SHC3: variants seen among roughly 807,000 people sequenced by gnomAD.
SHC3 encodes the protein SHC adaptor protein 3.
SHC3 carries 15 observed loss-of-function variants against 60.4 expected under a neutral mutation model. That is an observed-to-expected ratio of 0.25 (90% CI 0.17 to 0.38). The LOEUF (loss-of-function observed/expected upper bound fraction) is 0.38, where lower values mean the gene tolerates loss of function less well. Among genes scored for constraint, SHC3 ranks in the 10% least tolerant of loss-of-function variants. The pLI is 1.00. For missense variants in SHC3, 677 were observed against 786.1 expected, an observed-to-expected ratio of 0.86 and a Z score of 1.66; for synonymous variants, 294 against 325.9, an observed-to-expected ratio of 0.90 and a Z score of 1.05.
chr9:89,102,376 G>A lies in SHC3; in HGVS notation c.545+10180C>T, dbSNP rs559685722. On this transcript the variant is annotated intron_variant, in intron 2 of 11. Transcript: ENST00000375835. ...AATAAAACTTATGAAAAAAACAGAT[G>A]GTAATGACTCTGGATCAAGGAATGA... Among the ~76,000 whole-genome samples the A allele has an allele frequency of 1.3e-3, 203 of 152,162 alleles. 1 individual carries two copies. The highest frequency in any genetic ancestry group is 4.5e-3 in the African/African-American group (186 of 41,532).
intron 1 of SHC3, among the ~76,000 whole-genome samples, chr9:89,118,645 G>C (rs1356488869): frequency 6.6e-6 from 1 of 150,496 alleles, no homozygotes; most frequent in Non-Finnish European, 1.5e-5. Flanking sequence ...AAAAAAGACA[G>C]GTTACTTAAA....
intron 11 of SHC3, among the ~76,000 whole-genome samples, chr9:89,028,882 G>T (rs1164688069): frequency 6.8e-6 from 1 of 146,194 alleles, no homozygotes; most frequent in African/African-American, 2.5e-5. Flanking sequence ...TATATATCTA[G>T]ATATAATCTA....
At chr9:89,110,028 G>A in intron 2 of SHC3, 1 of 985,378 alleles carries the variant, frequency 1.0e-6, no homozygotes, top group Non-Finnish European at 1.2e-6. Flanking sequence ...ACACTGACAT[G>A]AGTGATAAAT....
intron 1 of SHC3, among the ~76,000 whole-genome samples, chr9:89,135,688 T>C (rs1826308658): frequency 1.3e-5 from 2 of 152,132 alleles, no homozygotes; most frequent in Admixed American, 6.6e-5. Flanking sequence ...GGGTTTTTTT[T>C]CTGCGATTTA....
chr9:89,049,012 A>G (rs1824819227), intron 7 of SHC3, among the ~76,000 whole-genome samples: 1 of 152,204 alleles, frequency 6.6e-6, no homozygotes, highest in Non-Finnish European at 1.5e-5. Flanking sequence ...CTGTAATCCC[A>G]GCACTTTGGG....
chr9:89,144,120 G>C (rs1826434177), intron 1 of SHC3, among the ~76,000 whole-genome samples: 1 of 152,196 alleles, frequency 6.6e-6, no homozygotes, highest in Admixed American at 6.5e-5. Context: ...GGTAGGGTAA[G>C]TCATAATAAA....
chr9:89,083,598 G>A lies in SHC3; in HGVS notation c.546-5695C>T, dbSNP rs1825480626. 4.6e-5 allele frequency among the ~76,000 whole-genome samples: 7 copies of A among 152,348 alleles called. No homozygotes were observed. In the South Asian group the frequency reaches 1.5e-3, roughly 32 times the overall value. On this transcript the variant is annotated intron_variant, in intron 2 of 11. Transcript: ENST00000375835. ...GCTGAGAAGCTGCAGGCAGGGAGATGAGCTGGGAAGTTACTGATGTTGTGA... is the reference window on the plus strand; with the variant it reads ...GCTGAGAAGCTGCAGGCAGGGAGATAAGCTGGGAAGTTACTGATGTTGTGA...
rs1825985585 is a variant in SHC3 at position 89,009,381 on chromosome 9, A to G, written c.*4066T>C. 1 of 152,204 alleles carries G rather than the reference A, an allele frequency of 6.6e-6. No individual in the cohort carries two copies. Among genetic ancestry groups the G allele is most frequent in the African/African-American group, 2.4e-5 (1 of 41,434 alleles). The allele number at this position is 152,204 out of a possible 1,614,324, so 9.4% of individuals were successfully genotyped here. A position where few individuals can be genotyped will look rare whatever the true frequency, so the allele number is the denominator to read the frequency against. ...TGAGTCCTGCAATGACCTCTTTGCA[A>G]TCTTTCCACAATCTTCCCACTCACT... On this transcript the variant is annotated 3_prime_UTR_variant, in exon 12 of 12. Transcript: ENST00000375835.
intron 6 of SHC3, among the ~76,000 whole-genome samples, chr9:89,065,283 T>C (rs1825159829): frequency 6.6e-6 from 1 of 152,140 alleles, no homozygotes; most frequent in South Asian, 2.1e-4. Flanking sequence ...GGGCTGTTTG[T>C]GTGTAAATCA....
rs1825337297 is a variant in SHC3 at position 89,075,176 on chromosome 9, G to T, written c.662C>A (p.Ala221Glu). The T allele has an allele frequency of 1.2e-6, 2 of 1,613,720 alleles. No individual in the cohort carries two copies. Among genetic ancestry groups the T allele is most frequent in the Middle Eastern group, 1.6e-4 (1 of 6,084 alleles). The change falls in exon 4 of 12, where the codon GCG becomes GAG. Residue 221 changes from alanine (A) to glutamate (E), a missense_variant. Ala to Glu is a moderately radical substitution (Grantham distance 107). Transcript: ENST00000375835. The stretch of plus-strand genomic sequence containing the variant: ...GATGGTCAGAGAGATGCTCATTCCC[G>T]CAAACTGGAGGTTGCTCTTTCCCAA... ...SILGKSNLQF[A>E]GMSISLTIST...
chr9:89,104,213 A>C (rs892934338), intron 2 of SHC3, among the ~76,000 whole-genome samples: 3 of 152,162 alleles, frequency 2.0e-5, no homozygotes, highest in Non-Finnish European at 2.9e-5. Context: ...CTGTGGTTTC[A>C]TAGATGGTAG....
At chr9:89,085,680 A>G (rs1160737730) in intron 2 of SHC3, among the ~76,000 whole-genome samples, 1 of 152,182 alleles carries the variant, frequency 6.6e-6, no homozygotes, top group African/African-American at 2.4e-5. Context: ...TTTCTGTTTA[A>G]TTCAGCTTCA....
At chr9:89,088,980 T>C (rs982584265) in intron 2 of SHC3, 4 of 152,244 alleles carry the variant, frequency 2.6e-5, no homozygotes, top group Non-Finnish European at 4.4e-5. Flanking sequence ...TCACAAACTG[T>C]GAACGGTGTT....
chr9:89,049,261 AAAAACAAAAC>A (rs147607442), intron 7 of SHC3, among the ~76,000 whole-genome samples: 5,252 of 149,738 alleles, frequency 0.035, 114 homozygotes, highest in Non-Finnish European at 0.047. Flanking sequence ...ACTCCCTCTT[AAAAACAAAAC>A]AAAACAAAAC....
At position 89,006,581 on chromosome 9, in the gene SHC3, CATTT is replaced by C. The variant is rs1825944082; in HGVS notation, c.*6862_*6865del. On this transcript the variant is annotated 3_prime_UTR_variant, in exon 12 of 12. Coordinates refer to ENST00000375835, the MANE Select transcript of SHC3 (RefSeq NM_016848.6). The stretch of plus-strand genomic sequence containing the variant: ...AACAAAACAACTTTCAGATAATATT[CATTT>C]GTCAGTATGTATAATTTGCCATCCA... 1 of 152,228 alleles carries C rather than the reference CATTT, an allele frequency of 6.6e-6. No homozygotes were observed. Among genetic ancestry groups the C allele is most frequent in the Admixed American group, 6.5e-5 (1 of 15,284 alleles). The allele number at this position is 152,228 out of a possible 1,614,324, so 9.4% of individuals were successfully genotyped here. A position where few individuals can be genotyped will look rare whatever the true frequency, so the allele number is the denominator to read the frequency against.
At chr9:89,061,152 A>G (rs1028984541) in intron 6 of SHC3, among the ~76,000 whole-genome samples, 1 of 152,158 alleles carries the variant, frequency 6.6e-6, no homozygotes, top group Non-Finnish European at 1.5e-5. Flanking sequence ...GAAACATCCA[A>G]CCATCAGAAA....
chr9:89,063,175 G>T (rs1825120081), intron 6 of SHC3, among the ~76,000 whole-genome samples: 1 of 152,214 alleles, frequency 6.6e-6, no homozygotes. Context: ...CTGTCGCCAG[G>T]CTGGAGTGCA....
chr9:89,042,970 T>C (rs1824711885), intron 9 of SHC3, among the ~76,000 whole-genome samples: 1 of 152,122 alleles, frequency 6.6e-6, no homozygotes, highest in Non-Finnish European at 1.5e-5. Flanking sequence ...CAGACCTAGT[T>C]GCCGGAGAAC....
intron 11 of SHC3, among the ~76,000 whole-genome samples, chr9:89,017,422 T>G (rs1214860909): frequency 6.6e-6 from 1 of 152,148 alleles, no homozygotes; most frequent in Non-Finnish European, 1.5e-5. Context: ...TAATAAATGG[T>G]GTTGGGAAAA....
Sources: gnomAD v4.1 joint callset for allele counts (sites outside exome capture counted in the v4.1 genomes callset) on GRCh38, gnomAD v4.1.1 for gene constraint, MANE v1.5 for transcripts, NCBI Gene and HGNC (gene_info 2026-07-23, HGNC 2026-07-21) for gene names.